DYNC2H1: variants seen among roughly 807,000 people sequenced by gnomAD.
DYNC2H1 encodes dynein cytoplasmic 2 heavy chain 1, also known as cytoplasmic dynein 2 heavy chain 1.
Under a neutral mutation model 570.0 loss-of-function variants are expected in DYNC2H1, and 410 were observed. The ratio of observed to expected loss-of-function variants is 0.72; its 90% CI spans 0.66 to 0.78. The LOEUF is 0.78. DYNC2H1 is among the 30% of genes least tolerant of loss of function. The pLI is 0.00. For synonymous variants in DYNC2H1, 1,688 were observed against 1,677.6 expected (o/e 1.01, Z -0.15); for missense variants, 4,865 against 5,046.4 (o/e 0.96, Z 1.09).
chr11:103,212,409 CA>C (rs1248634168), intron 54 of DYNC2H1, among the ~76,000 whole-genome samples: 1 of 151,130 alleles, frequency 6.6e-6, no homozygotes, highest in African/African-American at 2.4e-5. Context: ...CTTATGTAAG[CA>C]AATACCACCT....
At chr11:103,291,935 A>G (rs1866617686) in intron 75 of DYNC2H1, among the ~76,000 whole-genome samples, 2 of 152,134 alleles carry the variant, frequency 1.3e-5, no homozygotes, top group Admixed American at 6.5e-5. Flanking sequence ...TTTTCAGTCT[A>G]TATGAGTCTT....
chr11:103,434,559 G>A (rs779163004), intron 84 of DYNC2H1, among the ~76,000 whole-genome samples: 2 of 151,864 alleles, frequency 1.3e-5, no homozygotes, highest in Non-Finnish European at 2.9e-5. Context: ...CAAGTCCAAT[G>A]CCATATGATT....
chr11:103,191,904 A>T (rs943361370), intron 46 of DYNC2H1, among the ~76,000 whole-genome samples, 193 bp from the exon 47 acceptor site: 2 of 152,080 alleles, frequency 1.3e-5, no homozygotes, highest in African/African-American at 4.8e-5. Flanking sequence ...ATAGTATTTA[A>T]TGTCATCTTT....
intron 55 of DYNC2H1, among the ~76,000 whole-genome samples, chr11:103,216,911 G>A (rs1395298528): frequency 3.3e-5 from 5 of 152,052 alleles, no homozygotes; most frequent in Admixed American, 2.6e-4. Flanking sequence ...TCTTTCCTCA[G>A]ATTATGGTAC....
At chr11:103,399,132 C>T (rs921410121) in intron 83 of DYNC2H1, among the ~76,000 whole-genome samples, 1 of 148,546 alleles carries the variant, frequency 6.7e-6, no homozygotes, top group Non-Finnish European at 1.5e-5. Context: ...TCTCATTTCC[C>T]ACACCGTTTT....
intron 82 of DYNC2H1, among the ~76,000 whole-genome samples, chr11:103,351,444 G>A (rs1940049221): frequency 6.6e-6 from 1 of 152,120 alleles, no homozygotes; most frequent in African/African-American, 2.4e-5. Context: ...ACATTACATT[G>A]CAAAGGATGT....
chr11:103,252,502 CA>C lies in DYNC2H1; in HGVS notation c.10043-782del, dbSNP rs1287992192. Among the ~76,000 whole-genome samples the C allele has an allele frequency of 1.3e-5, 2 of 152,106 alleles. No homozygotes were observed. The highest frequency in any genetic ancestry group is 4.8e-5 in the African/African-American group (2 of 41,434). ...TCCCTTTTCTCCGTATCTTCATCAA[CA>C]TTTGTTATCTCTTGTCTTTTTGATA... On this transcript the variant is annotated intron_variant, in intron 65 of 88. Transcript: ENST00000375735. The surrounding 1 kb of genome is among the most constrained non-coding windows in gnomAD (Gnocchi z 4.6).
At chr11:103,390,937 C>G (rs1250588622) in intron 83 of DYNC2H1, among the ~76,000 whole-genome samples, 2 of 152,092 alleles carry the variant, frequency 1.3e-5, no homozygotes, top group African/African-American at 4.8e-5. Context: ...CCATTTTTTC[C>G]TTCATTTCAA....
intron 47 of DYNC2H1, among the ~76,000 whole-genome samples, chr11:103,195,009 C>T (rs914161623): frequency 6.6e-6 from 1 of 152,172 alleles, no homozygotes; most frequent in African/African-American, 2.4e-5. Flanking sequence ...TGAGCCACTG[C>T]AGCCAGCAAT....
In DYNC2H1 at chr11:103,170,897, G is replaced by A. The variant is rs1460877397; in HGVS notation, c.5163G>A (p.Val1721=). Residue 1721 remains valine (V), a synonymous_variant, in exon 34 of 89, where the codon GTG becomes GTA. Coordinates refer to ENST00000375735, the MANE Select transcript of DYNC2H1 (RefSeq NM_001377.3). This position sits in a 1 kb window ranked among gnomAD's most constrained non-coding sequence, Gnocchi z 4.8. The stretch of plus-strand genomic sequence containing the variant: ...TTGTTGTTTTTAAGGGCATCGATGT[G>A]AAGTCAATGGGACGAATATTTGTTG... ...LVFNCDEGID[V]KSMGRIFVGL... 2 of 1,537,500 alleles carry A rather than the reference G, an allele frequency of 1.3e-6. No homozygotes were observed. The highest frequency in any genetic ancestry group is 1.8e-6 in the Non-Finnish European group (2 of 1,134,998).
chr11:103,176,410 C>T lies in DYNC2H1; in HGVS notation c.5850C>T (p.Ala1950=), dbSNP rs768075824. ...SAALKQVFEE[A]NYEIIPNQIK... is the part of the protein sequence containing the mutation. ...CATTAAAGCAGGTCTTTGAAGAGGCCAATTATGAAATTATACCCAATCAGG... is the reference window on the plus strand; with the variant it reads ...CATTAAAGCAGGTCTTTGAAGAGGCTAATTATGAAATTATACCCAATCAGG... The change falls in exon 37 of 89, where the codon GCC becomes GCT. Residue 1950 remains alanine, a synonymous_variant. Transcript: ENST00000375735. 1.3e-6 allele frequency: 2 copies of T among 1,545,114 alleles called. No homozygotes were observed. The highest frequency in any genetic ancestry group is 2.4e-5 in the East Asian group (1 of 41,508).
intron 31 of DYNC2H1, among the ~76,000 whole-genome samples, chr11:103,167,995 T>C (rs1435423236): frequency 6.6e-6 from 1 of 152,144 alleles, no homozygotes; most frequent in Non-Finnish European, 1.5e-5. Context: ...CCTAAAGAAG[T>C]TTATGGGGTT....
rs1858002742 is a variant in DYNC2H1 at position 103,109,457 on chromosome 11, T to C, written c.-118T>C. On this transcript the variant is annotated 5_prime_UTR_variant, in exon 1 of 89. Transcript: ENST00000375735. ...ACTACCCCTGGCAACCGCGAAGCTC[T>C]GCGGTCCCGCGGTCGGGCTACGGGT... 5 of 1,018,928 alleles carry C rather than the reference T, an allele frequency of 4.9e-6. No homozygotes were observed. The highest frequency in any genetic ancestry group is 2.7e-5 in the East Asian group (1 of 37,014). 63.1% of individuals were successfully genotyped at this position (1,018,928 alleles called of 1,614,324 possible).
chr11:103,166,091 T>G, intron 31 of DYNC2H1, 43 bp downstream of exon 31: 1 of 1,456,404 alleles, frequency 6.9e-7, no homozygotes, highest in East Asian at 2.6e-5. Context: ...TTTGGGTTAT[T>G]TTTTGGTATT....
chr11:103,310,698 TGG>T (rs1253093791), intron 78 of DYNC2H1, among the ~76,000 whole-genome samples: 11 of 65,826 alleles, frequency 1.7e-4, no homozygotes, highest in South Asian at 6.4e-4. Flanking sequence ...TTTTTTTTTT[TGG>T]GAGACTGAGT....
chr11:103,316,856 T>A (rs1347728629), intron 80 of DYNC2H1, among the ~76,000 whole-genome samples: 1 of 152,132 alleles, frequency 6.6e-6, no homozygotes, highest in Non-Finnish European at 1.5e-5. Context: ...TGTTTTCACT[T>A]TGTGGCTTTC....
chr11:103,468,532 CCT>C, intron 87 of DYNC2H1, 55 bp from the exon 88 acceptor site: 1 of 1,213,370 alleles, frequency 8.2e-7, no homozygotes, highest in Non-Finnish European at 1.2e-6. Context: ...AATAGAGTAA[CCT>C]CTGACATTTG....
At chr11:103,374,873 A>T (rs958538800) in intron 83 of DYNC2H1, among the ~76,000 whole-genome samples, 6 of 152,224 alleles carry the variant, frequency 3.9e-5, no homozygotes, top group African/African-American at 1.4e-4. Flanking sequence ...TTTCTGGGAG[A>T]AATTCAAACC....
chr11:103,322,864 G>T (rs561148568), intron 81 of DYNC2H1, among the ~76,000 whole-genome samples: 1 of 152,144 alleles, frequency 6.6e-6, no homozygotes, highest in Non-Finnish European at 1.5e-5. Flanking sequence ...ATACACTCAT[G>T]TACATGTACA....
Sources: allele counts gnomAD v4.1 joint callset (sites outside exome capture counted in the v4.1 genomes callset), GRCh38; gene constraint gnomAD v4.1.1; non-coding constraint Gnocchi (gnomAD v3.1); transcripts MANE v1.5; gene names NCBI Gene and HGNC (gene_info 2026-07-23, HGNC 2026-07-21).